The following STK32B variants were observed in gnomAD, a reference collection of about 807,000 sequenced individuals.
The protein encoded by STK32B is serine/threonine kinase 32B.
A neutral mutation model predicts 52.6 loss-of-function variants in STK32B; 43 were observed. The observed-to-expected ratio is 0.82, with a 90% confidence interval of 0.64 to 1.05. The LOEUF (loss-of-function observed/expected upper bound fraction) is 1.05, where lower values mean the gene tolerates loss of function less well. Among genes scored for constraint, STK32B ranks in the 50% least tolerant of loss-of-function variants. The pLI is 0.00. For synonymous variants in STK32B, 238 were observed against 204.3 expected (o/e 1.17, Z -1.41); for missense variants, 621 against 534.6 (o/e 1.16, Z -1.59).
intron 1 of STK32B, among the ~76,000 whole-genome samples, chr4:5,074,564 C>G (rs1711969071): frequency 6.6e-6 from 1 of 151,640 alleles, no homozygotes; most frequent in South Asian, 2.1e-4. Context: ...TAGTATTTTT[C>G]TTTATATGCT....
chr4:5,334,729 G>T (rs1254323194), intron 4 of STK32B, among the ~76,000 whole-genome samples: 1 of 151,232 alleles, frequency 6.6e-6, no homozygotes. Flanking sequence ...CATCTATTGA[G>T]ATAATCATGT....
At chr4:5,305,424 G>T (rs963414033) in intron 3 of STK32B, among the ~76,000 whole-genome samples, 22 of 152,096 alleles carry the variant, frequency 1.4e-4, no homozygotes, top group African/African-American at 4.8e-4. Flanking sequence ...TAGGAAGCTT[G>T]TGTATTTCCA....
At position 5,058,760 on chromosome 4, in the gene STK32B, A is replaced by AT. The variant is rs1185019483; in HGVS notation, c.52+6851dup. ...TATTTTTTATTTATTTTACTTATTTATTTTTTGATATAGAATCTCTCTCTC... is the reference window on the plus strand; with the variant it reads ...TATTTTTTATTTATTTTACTTATTTATTTTTTTGATATAGAATCTCTCTCTC... On this transcript the variant is annotated intron_variant, in intron 1 of 11. Transcript: ENST00000282908. This position sits in a 1 kb window ranked among gnomAD's most constrained non-coding sequence, Gnocchi z 4.8. 7.9e-5 allele frequency among the ~76,000 whole-genome samples: 12 copies of AT among 151,674 alleles called. No individual in the cohort carries two copies. Among genetic ancestry groups the AT allele is most frequent in the African/African-American group, 2.2e-4 (9 of 41,278 alleles).
chr4:5,452,713 C>T (rs1468827446), intron 7 of STK32B, among the ~76,000 whole-genome samples: 1 of 152,064 alleles, frequency 6.6e-6, no homozygotes, highest in Non-Finnish European at 1.5e-5. Flanking sequence ...TCAACTTTAA[C>T]AGTGAAAATG....
At chr4:5,317,796 A>G (rs1379803404) in intron 3 of STK32B, among the ~76,000 whole-genome samples, 3 of 151,902 alleles carry the variant, frequency 2.0e-5, no homozygotes, top group Non-Finnish European at 2.9e-5. Context: ...TTAAAAATCT[A>G]TTGATGAGCT....
rs530071934 is a variant in STK32B at position 5,413,928 on chromosome 4, A to T, written c.473-2917A>T. 5.8e-4 allele frequency among the ~76,000 whole-genome samples: 88 copies of T among 152,376 alleles called. 1 individual carries two copies. The South Asian group carries it at 0.017, about 30-fold the overall frequency. On this transcript the variant is annotated intron_variant, in intron 5 of 11. Transcript: ENST00000282908. ...GCCATCAATTATAACTTTTTGGAAC[A>T]TAATATGCGTACCCTTGGTCCCAGC...
chr4:5,164,826 G>A (rs151270104), intron 2 of STK32B, among the ~76,000 whole-genome samples: 18 of 152,320 alleles, frequency 1.2e-4, no homozygotes, highest in East Asian at 7.7e-4. Flanking sequence ...AGACCCACCC[G>A]TTGGAGACCC....
chr4:5,473,651 A>T (rs1353022107), intron 11 of STK32B, among the ~76,000 whole-genome samples: 1 of 152,134 alleles, frequency 6.6e-6, no homozygotes, highest in African/African-American at 2.4e-5. Context: ...CTCCCTGTAG[A>T]CACCTTCTGT....
chr4:5,169,418 T>G (rs1719157278), intron 3 of STK32B, among the ~76,000 whole-genome samples: 1 of 151,992 alleles, frequency 6.6e-6, no homozygotes, highest in African/African-American at 2.4e-5. Flanking sequence ...ACCTTAAGAG[T>G]TGGGATGGCC....
intron 6 of STK32B, among the ~76,000 whole-genome samples, chr4:5,428,252 TA>T (rs1300302732): frequency 6.6e-6 from 1 of 151,774 alleles, no homozygotes; most frequent in Non-Finnish European, 1.5e-5. Flanking sequence ...CTAAAAAATA[TA>T]AAAAATTAGC....
rs1287209144 is a variant in STK32B at position 5,413,068 on chromosome 4, C to G, written c.473-3777C>G. On this transcript the variant is annotated intron_variant, in intron 5 of 11. Transcript: ENST00000282908. ...TCAGCTGCCCTCTTCCTCCAGAAAC[C>G]CTGTTGACAGCTTGCTTTCCTCTTC... is the stretch of plus-strand genomic sequence containing the variant. 4.6e-5 allele frequency among the ~76,000 whole-genome samples: 7 copies of G among 152,134 alleles called. 1 individual carries two copies. Among genetic ancestry groups the G allele is most frequent in the African/African-American group, 7.2e-5 (3 of 41,442 alleles).
At chr4:5,156,074 TACAC>T (rs956630366) in intron 2 of STK32B, among the ~76,000 whole-genome samples, 4 of 151,804 alleles carry the variant, frequency 2.6e-5, no homozygotes, top group African/African-American at 4.8e-5. Context: ...TATTCATAGA[TACAC>T]ATACATGTAT....
intron 3 of STK32B, among the ~76,000 whole-genome samples, chr4:5,314,828 T>C (rs67436925): frequency 0.12 from 17,768 of 152,140 alleles, 2,630 homozygotes; most frequent in African/African-American, 0.35. Context: ...TTAAAACTTT[T>C]TATTAAATGA....
intron 3 of STK32B, among the ~76,000 whole-genome samples, chr4:5,186,489 CAG>C (rs1720748642): frequency 6.6e-6 from 1 of 152,188 alleles, no homozygotes; most frequent in Non-Finnish European, 1.5e-5. Context: ...TGAGAGAAGA[CAG>C]ATGCTAACCA....
At chr4:5,028,295 A>G in the STK32B span, among the ~76,000 whole-genome samples, 3 of 152,150 alleles carry the variant, frequency 2.0e-5, no homozygotes, top group African/African-American at 7.2e-5. Flanking sequence ...ACAGGGGCTC[A>G]CCACCACACC....
chr4:5,092,526 C>T (rs949705120), intron 1 of STK32B, among the ~76,000 whole-genome samples: 17 of 144,966 alleles, frequency 1.2e-4, no homozygotes, highest in Non-Finnish European at 2.2e-4. Flanking sequence ...CAGAGCGAGA[C>T]TCCGTCTCAA....
chr4:5,245,407 C>CT (rs1156404164), intron 3 of STK32B, among the ~76,000 whole-genome samples: 4 of 152,072 alleles, frequency 2.6e-5, no homozygotes, highest in African/African-American at 9.7e-5. Context: ...CAACCCCTGC[C>CT]TTTTTTTGTT....
rs1717503630 is a variant in STK32B, at chr4:5,467,132, G to T, written c.1041+298G>T. Among the ~76,000 whole-genome samples, 2 of 123,714 alleles carry T rather than the reference G, an allele frequency of 1.6e-5. No individual in the cohort carries two copies. The highest frequency in any genetic ancestry group is 1.5e-4 in the Admixed American group (2 of 13,270). 81.2% of individuals were successfully genotyped at this position (123,714 alleles called of 152,430 possible). A position where few individuals can be genotyped will look rare whatever the true frequency, so the allele number is the denominator to read the frequency against. On this transcript the variant is annotated intron_variant, in intron 10 of 11. Coordinates refer to ENST00000282908, the MANE Select transcript of STK32B (RefSeq NM_018401.3). The surrounding 1 kb of genome is among the most constrained non-coding windows in gnomAD (Gnocchi z 5.8). ...TTGAGAAAGATTTTGTACCGCAGAG[G>T]CCCCCAGGGCTGCACGATGACTTTT...
chr4:5,490,188 C>G (rs1403008414), intron 11 of STK32B, among the ~76,000 whole-genome samples: 5 of 151,584 alleles, frequency 3.3e-5, no homozygotes, highest in Non-Finnish European at 7.4e-5. Flanking sequence ...CTCACTGAAA[C>G]CTCTACCTCC....
Sources: gnomAD v4.1 joint callset for allele counts (sites outside exome capture counted in the v4.1 genomes callset) on GRCh38, gnomAD v4.1.1 for gene constraint, Gnocchi (gnomAD v3.1) non-coding constraint, MANE v1.5 for transcripts, NCBI Gene and HGNC (gene_info 2026-07-23, HGNC 2026-07-21) for gene names.